Variants in ALPL observed in about 807,000 individuals in gnomAD.
ALPL encodes alkaline phosphatase, tissue-nonspecific isozyme.
ALPL carries 42 observed loss-of-function variants against 51.3 expected under a neutral mutation model. The ratio of observed to expected loss-of-function variants is 0.82; its 90% confidence interval spans 0.64 to 1.06. The LOEUF is 1.06. Among genes scored for constraint, ALPL ranks in the 50% least tolerant of loss-of-function variants. The pLI is 0.00. For synonymous variants in ALPL, 279 were observed against 296.4 expected, an observed-to-expected ratio of 0.94 and a Z score of 0.60; for missense variants, 589 against 709.4, an observed-to-expected ratio of 0.83 and a Z score of 1.93.
rs116456555 is a variant in ALPL, at chr1:21,553,084, A to T, written c.-104-894A>T. Among the ~76,000 whole-genome samples the T allele has an allele frequency of 5.0e-3, 593 of 118,376 alleles. 3 individuals carry two copies. The highest frequency in any genetic ancestry group is 0.017 in the African/African-American group (575 of 32,910). The allele number at this position is 118,376 out of a possible 152,430, so 77.7% of individuals were successfully genotyped here. ...GGAAAATTCAAAAAAATAAAGAGGAAATAATCATTCATAGTCCTACCACCC... is the reference window on the plus strand; with the variant it reads ...GGAAAATTCAAAAAAATAAAGAGGATATAATCATTCATAGTCCTACCACCC... On this transcript the variant is annotated intron_variant, in intron 1 of 11. Coordinates refer to ENST00000374840, the MANE Select transcript of ALPL (RefSeq NM_000478.6).
intron 2 of ALPL, among the ~76,000 whole-genome samples, chr1:21,559,096 C>T (rs563246395): frequency 1.6e-4 from 24 of 152,250 alleles, no homozygotes; most frequent in African/African-American, 5.8e-4. Flanking sequence ...GGAGCTGGGC[C>T]AAAAGATGAG....
At chr1:21,558,417 T>C (rs1049085797) in intron 2 of ALPL, among the ~76,000 whole-genome samples, 1 of 152,090 alleles carries the variant, frequency 6.6e-6, no homozygotes, top group African/African-American at 2.4e-5. Flanking sequence ...CGTGGTGTGT[T>C]TTGAGGAAGG....
At position 21,554,012 on chromosome 1, in the gene ALPL, G is replaced by GGCCCCCCC; in HGVS notation, c.-70_-69insGCCCCCCC. On this transcript the variant is annotated 5_prime_UTR_variant, in exon 2 of 12. Transcript: ENST00000374840. ...ATCAGTTAACATCTGACCACTGCCA[G>GGCCCCCCC]CCCACCCCCTCCCACCCACGTCGAT... 2 of 995,208 alleles carry GGCCCCCCC rather than the reference G, an allele frequency of 2.0e-6. No homozygotes were observed. The highest frequency in any genetic ancestry group is 1.6e-6 in the Non-Finnish European group (1 of 623,792). The allele number at this position is 995,208 out of a possible 1,614,324, so 61.6% of individuals were successfully genotyped here. A position where few individuals can be genotyped will look rare whatever the true frequency, so the allele number is the denominator to read the frequency against.
At chr1:21,512,161 C>T (rs1415440699) in intron 1 of ALPL, among the ~76,000 whole-genome samples, 1 of 152,170 alleles carries the variant, frequency 6.6e-6, no homozygotes, top group Non-Finnish European at 1.5e-5. Flanking sequence ...GGCTTCCCAG[C>T]ACCATGTCGT....
intron 9 of ALPL, chr1:21,574,528 T>C (rs1219720871): frequency 1.9e-5 from 2 of 104,462 alleles, no homozygotes; most frequent in African/African-American, 7.9e-5. Context: ...AACATCGGTA[T>C]GTATACACAC....
At chr1:21,527,681 C>T (rs1472137112) in intron 1 of ALPL, among the ~76,000 whole-genome samples, 1 of 151,774 alleles carries the variant, frequency 6.6e-6, no homozygotes, top group Non-Finnish European at 1.5e-5. Flanking sequence ...TCCTGAATAG[C>T]TGGGATTAGT....
chr1:21,574,092 G>A, intron 9 of ALPL: 1 of 985,420 alleles, frequency 1.0e-6, no homozygotes. Flanking sequence ...TGGCCCTGAA[G>A]GGGCAAGCAG....
chr1:21,574,012 T>C, intron 9 of ALPL: 1 of 985,430 alleles, frequency 1.0e-6, no homozygotes, highest in South Asian at 4.7e-5. Flanking sequence ...CAAGTTAGGT[T>C]CAGCAATCCA....
chr1:21,574,359 G>C (rs937024696), intron 9 of ALPL: 1 of 247,194 alleles, frequency 4.0e-6, no homozygotes, highest in Non-Finnish European at 6.5e-6. Context: ...TTGGAACGGG[G>C]CCCAGTAAAG....
chr1:21,532,720 G>T lies in ALPL; in HGVS notation c.-104-21258G>T, dbSNP rs1335446678. Among the ~76,000 whole-genome samples, 3 of 152,188 alleles carry T rather than the reference G, an allele frequency of 2.0e-5. No homozygotes were observed. The East Asian group carries it at 5.8e-4, about 29-fold the overall frequency. On this transcript the variant is annotated intron_variant, in intron 1 of 11. Coordinates refer to ENST00000374840, the MANE Select transcript of ALPL (RefSeq NM_000478.6). Reference sequence around the variant, plus strand: ...AAGACGTTCACGGCTTCTGGACCTTGGCATGGGCTGTTCCAGCAGCTTAGA... The same window carrying T: ...AAGACGTTCACGGCTTCTGGACCTTTGCATGGGCTGTTCCAGCAGCTTAGA...
At chr1:21,574,286 C>G (rs1336826214) in intron 9 of ALPL, 1 of 802,372 alleles carries the variant, frequency 1.2e-6, no homozygotes, top group East Asian at 1.3e-4. Context: ...TATGTGAAGC[C>G]AAAAATAGCA....
At chr1:21,544,158 T>G (rs1644224877) in intron 1 of ALPL, among the ~76,000 whole-genome samples, 1 of 152,228 alleles carries the variant, frequency 6.6e-6, no homozygotes, top group South Asian at 2.1e-4. Context: ...ACACAGCAGG[T>G]CAGGTGTGTC....
At chr1:21,548,065 C>CGTA (rs1452944481) in intron 1 of ALPL, among the ~76,000 whole-genome samples, 1 of 152,322 alleles carries the variant, frequency 6.6e-6, no homozygotes, top group East Asian at 1.9e-4. Flanking sequence ...ACTGGCCATG[C>CGTA]GTAATCAGGC....
chr1:21,563,458 A>G (rs1644515936), intron 5 of ALPL, among the ~76,000 whole-genome samples, 174 bp downstream of exon 5: 1 of 151,992 alleles, frequency 6.6e-6, no homozygotes, highest in Admixed American at 6.5e-5. Flanking sequence ...GGGGAAGCTG[A>G]GGGTTTGGGG....
At chr1:21,576,792 A>T in intron 11 of ALPL, 151 bp downstream of exon 11, 1 of 1,069,380 alleles carries the variant, frequency 9.4e-7, no homozygotes, top group South Asian at 1.5e-5. Context: ...AGGTTGTTTG[A>T]TTCAAACAAC....
chr1:21,576,271 GTGGA>G lies in ALPL; in HGVS notation c.1190-239_1190-236del, dbSNP rs1041977662. 4.1e-4 allele frequency among the ~76,000 whole-genome samples: 9 copies of G among 21,958 alleles called. No individual in the cohort carries two copies. The Admixed American group carries it at 4.6e-3, about 11-fold the overall frequency. The allele number at this position is 21,958 out of a possible 152,430, so 14.4% of individuals were successfully genotyped here. A position where few individuals can be genotyped will look rare whatever the true frequency, so the allele number is the denominator to read the frequency against. On this transcript the variant is annotated intron_variant, in intron 10 of 11. Coordinates refer to ENST00000374840, the MANE Select transcript of ALPL (RefSeq NM_000478.6). ...GGATGGATGATGGATGGATGGATGG[GTGGA>G]TGGATGGATGGGTGGATGGATGGAT...
rs60906638 is a variant in ALPL at position 21,534,172 on chromosome 1, C to T, written c.-104-19806C>T. Among the ~76,000 whole-genome samples the T allele has an allele frequency of 8.5e-3, 1,296 of 152,230 alleles. 16 individuals are homozygous for T. The highest frequency in any genetic ancestry group is 0.029 in the African/African-American group (1,190 of 41,548). On this transcript the variant is annotated intron_variant, in intron 1 of 11. Transcript: ENST00000374840. Reference sequence around the variant, plus strand: ...GCTAATTTTTGTAGAGACAGGATTTCGCCATGTTCCCCAGGCTGGTCTTGA... The same window carrying T: ...GCTAATTTTTGTAGAGACAGGATTTTGCCATGTTCCCCAGGCTGGTCTTGA...
At chr1:21,568,826 G>C (rs1644605938) in intron 7 of ALPL, among the ~76,000 whole-genome samples, 1 of 152,206 alleles carries the variant, frequency 6.6e-6, no homozygotes. Flanking sequence ...AGGGAGGCTG[G>C]AGGACGGAAT....
chr1:21,575,366 G>A (rs1191777753), intron 9 of ALPL, among the ~76,000 whole-genome samples: 1 of 152,158 alleles, frequency 6.6e-6, no homozygotes, highest in East Asian at 1.9e-4. Context: ...CACATTGTAG[G>A]GATTCCAGCG....
Sources: allele counts gnomAD v4.1 joint callset (sites outside exome capture counted in the v4.1 genomes callset), GRCh38; gene constraint gnomAD v4.1.1; transcripts MANE v1.5; gene names NCBI Gene and HGNC (gene_info 2026-07-23, HGNC 2026-07-21).